The following LARP1B variants were observed in gnomAD, a reference collection of about 807,000 sequenced individuals.
LARP1B encodes the protein la-related protein 1B.
In LARP1B, 76 loss-of-function variants were observed where a neutral mutation model predicts 114.2. The ratio of observed to expected loss-of-function variants is 0.67; its 90% CI spans 0.55 to 0.81. The LOEUF (loss-of-function observed/expected upper bound fraction) is 0.81. Ranked by LOEUF, LARP1B falls within the 30% of genes least tolerant of loss-of-function variation. The probability of loss-of-function intolerance (pLI) is 0.00; values close to 1 mark genes in which losing one functional copy is unlikely to be tolerated. For missense variants in LARP1B, 1,014 were observed against 1,075.8 expected (o/e 0.94, Z 0.80); for synonymous variants, 345 against 348.0 (o/e 0.99, Z 0.10).
At chr4:128,066,294 A>G (rs1762827177) in intron 1 of LARP1B, among the ~76,000 whole-genome samples, 1 of 147,618 alleles carries the variant, frequency 6.8e-6, no homozygotes, top group Admixed American at 6.9e-5. Context: ...CTCCTGCCTC[A>G]ACCTCCTGAG....
intron 9 of LARP1B, chr4:128,108,228 A>G (rs773369138): frequency 1.2e-4 from 136 of 1,154,660 alleles, no homozygotes; most frequent in Non-Finnish European, 1.4e-4. Context: ...AAATACCGCA[A>G]GATTATGTTT....
chr4:128,221,407 CA>C (rs1199998508), intron 7 of LARP1B, among the ~76,000 whole-genome samples: 2 of 152,190 alleles, frequency 1.3e-5, no homozygotes, highest in African/African-American at 4.8e-5. Context: ...TCTGACTTTA[CA>C]CTCTGTGTCA....
chr4:128,220,015 A>G (rs1017848341), intron 6 of LARP1B, among the ~76,000 whole-genome samples: 2 of 152,072 alleles, frequency 1.3e-5, no homozygotes, highest in Non-Finnish European at 2.9e-5. Context: ...CCTCCTGAGT[A>G]GCTGGGATTA....
intron 9 of LARP1B, chr4:128,108,697 TAA>T: frequency 1.0e-6 from 1 of 984,200 alleles, no homozygotes; most frequent in Non-Finnish European, 1.2e-6. Context: ...GGTGATTATA[TAA>T]GTTAGATTTA....
At chr4:128,198,165 G>A (rs1174505887) in intron 15 of LARP1B, among the ~76,000 whole-genome samples, 2 of 152,076 alleles carry the variant, frequency 1.3e-5, no homozygotes, top group Non-Finnish European at 2.9e-5. Flanking sequence ...GATTACAGGC[G>A]TGAACCCACC....
At chr4:128,167,581 G>A (rs941162923) in intron 12 of LARP1B, among the ~76,000 whole-genome samples, 4 of 151,854 alleles carry the variant, frequency 2.6e-5, no homozygotes, top group Non-Finnish European at 5.9e-5. Context: ...TTGATGCCAT[G>A]TTTGTTTATT....
chr4:128,167,399 A>G (rs543116887), intron 12 of LARP1B, among the ~76,000 whole-genome samples: 1 of 152,038 alleles, frequency 6.6e-6, no homozygotes, highest in Admixed American at 6.6e-5. Flanking sequence ...TCTTTTGCCC[A>G]TGTTTTAATT....
intron 15 of LARP1B, among the ~76,000 whole-genome samples, chr4:128,186,176 G>A (rs74744054): frequency 0.018 from 2,729 of 150,240 alleles, 65 homozygotes; most frequent in East Asian, 0.11. Context: ...TTGTGGTTCT[G>A]TATAAATTTT....
At chr4:128,103,724 G>A (rs1781114786) in intron 8 of LARP1B, among the ~76,000 whole-genome samples, 1 of 151,874 alleles carries the variant, frequency 6.6e-6, no homozygotes, top group African/African-American at 2.4e-5. Context: ...CACCACGCCT[G>A]GCTAATTTTT....
chr4:128,140,490 G>A (rs904018934), intron 11 of LARP1B, among the ~76,000 whole-genome samples: 1 of 152,046 alleles, frequency 6.6e-6, no homozygotes, highest in Admixed American at 6.5e-5. Flanking sequence ...TACACTTAAC[G>A]TATATAGATG....
chr4:128,163,062 A>T (rs1303642244), intron 12 of LARP1B, among the ~76,000 whole-genome samples: 1 of 152,176 alleles, frequency 6.6e-6, no homozygotes, highest in Non-Finnish European at 1.5e-5. Flanking sequence ...CCTTAACGTT[A>T]GATATCTAGT....
chr4:128,090,882 C>A, intron 5 of LARP1B, 119 bp from the exon 6 acceptor site: 1 of 677,690 alleles, frequency 1.5e-6, no homozygotes, highest in Non-Finnish European at 2.4e-6. Flanking sequence ...CTGAAAAATG[C>A]CTGGCTACTG....
intron 10 of LARP1B, among the ~76,000 whole-genome samples, chr4:128,116,916 CTT>C (rs1220292312): frequency 1.5e-5 from 2 of 129,060 alleles, no homozygotes; most frequent in East Asian, 2.1e-4. Flanking sequence ...TTTTTTTCCT[CTT>C]GAGTTTTTTT....
At chr4:128,075,995 T>G (rs1767689363) in intron 3 of LARP1B, among the ~76,000 whole-genome samples, 1 of 152,158 alleles carries the variant, frequency 6.6e-6, no homozygotes, top group South Asian at 2.1e-4. Context: ...CTAATTTAAT[T>G]CATCACATTT....
chr4:128,165,390 A>G (rs907878473), intron 12 of LARP1B, among the ~76,000 whole-genome samples: 20 of 152,068 alleles, frequency 1.3e-4, no homozygotes, highest in African/African-American at 4.8e-4. Flanking sequence ...ATATATTGCT[A>G]TGACAGGAAA....
chr4:128,107,526 T>C (rs1782521176), intron 9 of LARP1B: 2 of 1,385,520 alleles, frequency 1.4e-6, no homozygotes, highest in Non-Finnish European at 1.9e-6. Context: ...CTGTCTTATG[T>C]TTCTTGTTCT....
At chr4:128,078,472 G>A (rs914454480) in intron 4 of LARP1B, among the ~76,000 whole-genome samples, 17 of 151,680 alleles carry the variant, frequency 1.1e-4, no homozygotes, top group African/African-American at 3.9e-4. Context: ...ATCGTGTTGC[G>A]CACTTGTAGT....
At chr4:128,108,300 T>C in intron 9 of LARP1B, 1 of 1,027,076 alleles carries the variant, frequency 9.7e-7, no homozygotes, top group Non-Finnish European at 1.2e-6. Flanking sequence ...GGGGATTGAG[T>C]AGCATTTCCC....
intron 15 of LARP1B, among the ~76,000 whole-genome samples, chr4:128,183,460 A>G (rs190279155): frequency 5.9e-4 from 90 of 152,364 alleles, no homozygotes; most frequent in Middle Eastern, 3.4e-3. Context: ...AATGTGGGTT[A>G]CTAAATATTT....
Sources: allele counts gnomAD v4.1 joint callset (sites outside exome capture counted in the v4.1 genomes callset), GRCh38; gene constraint gnomAD v4.1.1; transcripts MANE v1.5; gene names NCBI Gene and HGNC (gene_info 2026-07-23, HGNC 2026-07-21).